The following PGCKA1 variants were observed in gnomAD, a reference collection of about 807,000 sequenced individuals.
PGCKA1 encodes PDCD10 and GCKIII kinases-associated protein 1.
chr4:37,488,767 C>T, the PGCKA1 span, among the ~76,000 whole-genome samples: 3 of 152,198 alleles, frequency 2.0e-5, no homozygotes, highest in East Asian at 5.8e-4. Flanking sequence ...ATTATCTCCC[C>T]GCTTTCCTCC....
At chr4:37,546,430 C>G in the PGCKA1 span, among the ~76,000 whole-genome samples, 8 of 152,232 alleles carry the variant, frequency 5.3e-5, no homozygotes, top group African/African-American at 1.7e-4. Flanking sequence ...CTGCTCTGTT[C>G]TGTTTCACTC....
chr4:37,495,240 C>A, the PGCKA1 span, among the ~76,000 whole-genome samples: 1 of 152,222 alleles, frequency 6.6e-6, no homozygotes, highest in African/African-American at 2.4e-5. Flanking sequence ...ATAACAGAAG[C>A]TGGAGAGGAT....
chr4:37,456,420 C>T, the PGCKA1 span, among the ~76,000 whole-genome samples: 2 of 152,134 alleles, frequency 1.3e-5, no homozygotes, highest in African/African-American at 4.8e-5. Context: ...CTAAAACATA[C>T]GTAAAACACC....
At chr4:37,558,669 G>T in the PGCKA1 span, among the ~76,000 whole-genome samples, 1 of 146,614 alleles carries the variant, frequency 6.8e-6, no homozygotes, top group African/African-American at 2.6e-5. Flanking sequence ...CCTACAAAAT[G>T]GGAGAAAATT....
chr4:37,537,165 G>A, the PGCKA1 span, among the ~76,000 whole-genome samples: 394 of 152,354 alleles, frequency 2.6e-3, 2 homozygotes, highest in African/African-American at 9.0e-3. Context: ...AGGACTCACA[G>A]AGAGTGCAGT....
chr4:37,572,783 A>G, the PGCKA1 span, among the ~76,000 whole-genome samples: 1 of 152,202 alleles, frequency 6.6e-6, no homozygotes, highest in Non-Finnish European at 1.5e-5. Flanking sequence ...TAATTTGTGC[A>G]TGAAACAAAA....
the PGCKA1 span, among the ~76,000 whole-genome samples, chr4:37,552,562 G>C: frequency 6.6e-6 from 1 of 152,174 alleles, no homozygotes; most frequent in African/African-American, 2.4e-5. Flanking sequence ...ATAAACCAAT[G>C]TGCTAAGAGA....
chr4:37,483,805 G>C, the PGCKA1 span, among the ~76,000 whole-genome samples: 1 of 152,156 alleles, frequency 6.6e-6, no homozygotes, highest in Non-Finnish European at 1.5e-5. Context: ...CAGCAGTCCA[G>C]AAGTCCAGCA....
the PGCKA1 span, among the ~76,000 whole-genome samples, chr4:37,574,154 C>T: frequency 1.3e-5 from 2 of 151,692 alleles, no homozygotes; most frequent in African/African-American, 4.8e-5. Context: ...TGCCACTATA[C>T]TCCAGCCTGG....
the PGCKA1 span, among the ~76,000 whole-genome samples, chr4:37,478,154 C>G: frequency 2.8e-5 from 4 of 144,722 alleles, no homozygotes; most frequent in Non-Finnish European, 4.6e-5. Context: ...CCCCCCCCAC[C>G]GCCACTTACT....
At chr4:37,544,746 G>C in the PGCKA1 span, among the ~76,000 whole-genome samples, 1 of 151,184 alleles carries the variant, frequency 6.6e-6, no homozygotes, top group African/African-American at 2.4e-5. Context: ...TTGGGTTGGG[G>C]GTTGGTTTTT....
the PGCKA1 span, among the ~76,000 whole-genome samples, chr4:37,467,424 GA>G: frequency 6.6e-6 from 1 of 152,166 alleles, no homozygotes; most frequent in Non-Finnish European, 1.5e-5. Flanking sequence ...AGACTTTGCA[GA>G]AGAGCAAACT....
the PGCKA1 span, among the ~76,000 whole-genome samples, chr4:37,495,450 T>C: frequency 6.6e-6 from 1 of 151,610 alleles, no homozygotes; most frequent in South Asian, 2.1e-4. Context: ...TTGCACTGAC[T>C]TGGAACCAAC....
the PGCKA1 span, among the ~76,000 whole-genome samples, chr4:37,483,465 G>A: frequency 7.9e-5 from 12 of 152,194 alleles, no homozygotes; most frequent in African/African-American, 2.9e-4. Context: ...TACACCACAG[G>A]CAAGGTCTGG....
At chr4:37,550,003 A>G in the PGCKA1 span, among the ~76,000 whole-genome samples, 4 of 152,214 alleles carry the variant, frequency 2.6e-5, no homozygotes, top group African/African-American at 7.2e-5. Context: ...TAGTATATAC[A>G]TCAAGTCACT....
At chr4:37,524,636 A>G in the PGCKA1 span, among the ~76,000 whole-genome samples, 1 of 152,248 alleles carries the variant, frequency 6.6e-6, no homozygotes, top group Admixed American at 6.5e-5. Flanking sequence ...GGGATCTGAT[A>G]CTAGAGGACA....
the PGCKA1 span, among the ~76,000 whole-genome samples, chr4:37,475,630 T>C: frequency 6.6e-6 from 1 of 152,288 alleles, no homozygotes; most frequent in East Asian, 1.9e-4. Context: ...GCAACATTTA[T>C]GAATTAGTTA....
chr4:37,535,024 T>C, the PGCKA1 span, among the ~76,000 whole-genome samples: 1 of 152,204 alleles, frequency 6.6e-6, no homozygotes, highest in Admixed American at 6.5e-5. Context: ...AACTCTTGTC[T>C]AAGAGGTGCA....
At chr4:37,549,443 G>A in the PGCKA1 span, among the ~76,000 whole-genome samples, 1 of 152,176 alleles carries the variant, frequency 6.6e-6, no homozygotes, top group Admixed American at 6.5e-5. Flanking sequence ...GTTTCCAAAG[G>A]CTGACCCCCA....
Sources: gnomAD v4.1 joint callset for allele counts (sites outside exome capture counted in the v4.1 genomes callset) on GRCh38, gnomAD v4.1.1 for gene constraint, MANE v1.5 for transcripts, NCBI Gene and HGNC (gene_info 2026-07-23, HGNC 2026-07-21) for gene names.